ALK: variants seen among roughly 807,000 people sequenced by gnomAD.
ALK encodes the protein ALK receptor tyrosine kinase.
ALK carries 74 observed loss-of-function variants against 163.1 expected under a neutral mutation model. The ratio of observed to expected loss-of-function variants is 0.45; its 90% CI spans 0.38 to 0.55. The LOEUF is 0.55. Among genes scored for constraint, ALK ranks in the 20% least tolerant of loss-of-function variants. ALK has a pLI of 0.00. For synonymous variants in ALK, 960 were observed against 843.2 expected (o/e 1.14, Z -2.40); for missense variants, 2,063 against 2,105.3 (o/e 0.98, Z 0.39).
chr2:29,717,003 A>C (rs1317068983), intron 2 of ALK, among the ~76,000 whole-genome samples: 6 of 142,274 alleles, frequency 4.2e-5, no homozygotes, highest in Non-Finnish European at 7.7e-5. Context: ...ATCCAAAAAA[A>C]AAAAAAAAAA....
At chr2:29,338,249 A>G (rs1476003479) in intron 5 of ALK, among the ~76,000 whole-genome samples, 2 of 152,188 alleles carry the variant, frequency 1.3e-5, no homozygotes, top group Non-Finnish European at 2.9e-5. Flanking sequence ...TCCAACATAA[A>G]TAATAGCTAT....
chr2:29,374,815 T>C (rs1007398460), intron 5 of ALK, among the ~76,000 whole-genome samples: 1 of 152,102 alleles, frequency 6.6e-6, no homozygotes, highest in Non-Finnish European at 1.5e-5. Context: ...ATTTTGGAAA[T>C]AGGGAGTTTA....
intron 8 of ALK, among the ~76,000 whole-genome samples, chr2:29,310,437 G>A (rs1666666315): frequency 6.6e-6 from 1 of 152,216 alleles, no homozygotes; most frequent in African/African-American, 2.4e-5. Context: ...ACTGGACTAA[G>A]TGAAGGCTTC....
rs1680455187 is a variant in ALK at position 29,754,347 on chromosome 2, A to G, written c.668-36650T>C. 2.0e-5 allele frequency among the ~76,000 whole-genome samples: 3 copies of G among 152,128 alleles called. No individual in the cohort carries two copies. The South Asian group carries it at 6.2e-4, about 32-fold the overall frequency. ...CACAAAAGGAGCTTTGAAGGAGGACAGGGCAGTTTGAAGTGTGACCCCATC... is the reference window on the plus strand; with the variant it reads ...CACAAAAGGAGCTTTGAAGGAGGACGGGGCAGTTTGAAGTGTGACCCCATC... On this transcript the variant is annotated intron_variant, in intron 1 of 28. Transcript: ENST00000389048.
intron 3 of ALK, among the ~76,000 whole-genome samples, chr2:29,616,220 G>C (rs1675841642): frequency 6.6e-6 from 1 of 152,202 alleles, no homozygotes; most frequent in South Asian, 2.1e-4. Context: ...TTTCGGGAAA[G>C]AGGTGGCCTG....
intron 3 of ALK, among the ~76,000 whole-genome samples, chr2:29,693,581 G>C (rs1678466370): frequency 6.6e-6 from 1 of 152,168 alleles, no homozygotes; most frequent in Non-Finnish European, 1.5e-5. Flanking sequence ...AGTCTCTTTT[G>C]GTTCTTTGAT....
intron 1 of ALK, among the ~76,000 whole-genome samples, chr2:29,831,473 G>A (rs79841804): frequency 0.012 from 1,773 of 152,000 alleles, 16 homozygotes; most frequent in Middle Eastern, 0.031. Flanking sequence ...TCCTCTATAC[G>A]CTAAATTCTT....
chr2:29,872,315 C>T (rs533117214), intron 1 of ALK, among the ~76,000 whole-genome samples: 4 of 152,292 alleles, frequency 2.6e-5, no homozygotes, highest in South Asian at 2.1e-4. Context: ...CCTTCCAAGC[C>T]TCAATTTCCT....
chr2:29,219,739 C>T (rs1669751759), intron 23 of ALK, among the ~76,000 whole-genome samples: 1 of 152,194 alleles, frequency 6.6e-6, no homozygotes, highest in Non-Finnish European at 1.5e-5. Flanking sequence ...TCAGATCTCA[C>T]CTGTGAGGAT....
intron 24 of ALK, among the ~76,000 whole-genome samples, chr2:29,210,552 C>T (rs1669437224): frequency 6.6e-6 from 1 of 152,136 alleles, no homozygotes; most frequent in African/African-American, 2.4e-5. Flanking sequence ...CCTATTTCAG[C>T]CTCCCAAGTA....
intron 2 of ALK, among the ~76,000 whole-genome samples, chr2:29,698,051 G>C (rs1678624261): frequency 6.6e-6 from 1 of 152,206 alleles, no homozygotes; most frequent in Admixed American, 6.5e-5. Flanking sequence ...CTGCTTTCCA[G>C]GAGCTGCCAT....
chr2:29,556,316 A>G (rs1673859579), intron 3 of ALK, among the ~76,000 whole-genome samples: 1 of 152,210 alleles, frequency 6.6e-6, no homozygotes, highest in South Asian at 2.1e-4. Flanking sequence ...TTGTAGAACT[A>G]TGGAGAAGTC....
At chr2:29,900,735 C>G (rs186636642) in intron 1 of ALK, among the ~76,000 whole-genome samples, 1 of 152,156 alleles carries the variant, frequency 6.6e-6, no homozygotes, top group African/African-American at 2.4e-5. Context: ...AAGGACTTGA[C>G]GCTCTGCTGC....
At chr2:29,361,407 C>T (rs568398589) in intron 5 of ALK, among the ~76,000 whole-genome samples, 1 of 152,206 alleles carries the variant, frequency 6.6e-6, no homozygotes, top group Non-Finnish European at 1.5e-5. Context: ...CACCTTCCTC[C>T]CCATAACTGG....
chr2:29,812,044 T>C (rs1205486870), intron 1 of ALK, among the ~76,000 whole-genome samples: 2 of 152,190 alleles, frequency 1.3e-5, no homozygotes, highest in Admixed American at 1.3e-4. Flanking sequence ...AGGTTCTTCA[T>C]GCCTCCTTGT....
intron 4 of ALK, among the ~76,000 whole-genome samples, chr2:29,526,564 GAA>G (rs1335612140): frequency 1.3e-5 from 2 of 152,348 alleles, no homozygotes; most frequent in African/African-American, 4.8e-5. Context: ...GGAAAAGAGA[GAA>G]GCTGACTCTA....
intron 3 of ALK, among the ~76,000 whole-genome samples, chr2:29,582,618 A>T (rs1336468660): frequency 6.6e-6 from 1 of 152,214 alleles, no homozygotes; most frequent in African/African-American, 2.4e-5. Flanking sequence ...GCTCTAAAGA[A>T]CATTTACCTG....
intron 8 of ALK, among the ~76,000 whole-genome samples, chr2:29,303,740 G>C (rs1171322422): frequency 6.6e-6 from 1 of 152,192 alleles, no homozygotes; most frequent in Non-Finnish European, 1.5e-5. Context: ...CAGCAACGTG[G>C]ATGCAGCTGG....
At chr2:29,805,334 A>G (rs957947744) in intron 1 of ALK, among the ~76,000 whole-genome samples, 16 of 152,198 alleles carry the variant, frequency 1.1e-4, no homozygotes, top group Non-Finnish European at 2.4e-4. Flanking sequence ...ATACATGTGC[A>G]GGACATGCAG....
Sources: gnomAD v4.1 joint callset for allele counts (sites outside exome capture counted in the v4.1 genomes callset) on GRCh38, gnomAD v4.1.1 for gene constraint, MANE v1.5 for transcripts, NCBI Gene and HGNC (gene_info 2026-07-23, HGNC 2026-07-21) for gene names.